The following PLCB4 variants were observed in gnomAD, a reference collection of about 807,000 sequenced individuals.
PLCB4 encodes 1-phosphatidylinositol 4,5-bisphosphate phosphodiesterase beta-4.
Under a neutral mutation model 178.8 loss-of-function variants are expected in PLCB4, and 77 were observed. That is an observed-to-expected ratio of 0.43 (90% CI 0.36 to 0.52). The LOEUF is 0.52. Among genes scored for constraint, PLCB4 ranks in the 20% least tolerant of loss-of-function variants. The probability of loss-of-function intolerance (pLI) is 0.00; values close to 1 mark genes in which losing one functional copy is unlikely to be tolerated. For synonymous variants in PLCB4, 496 were observed against 490.8 expected (o/e 1.01, Z -0.14); for missense variants, 1,024 against 1,453.4 (o/e 0.70, Z 4.80).
chr20:9,098,386 T>C (rs776629605), intron 2 of PLCB4, among the ~76,000 whole-genome samples: 3 of 152,068 alleles, frequency 2.0e-5, no homozygotes, highest in Non-Finnish European at 2.9e-5. Context: ...ATAGAAAAAA[T>C]TCGACTTTCA....
At chr20:9,242,340 G>A (rs1228364407) in intron 3 of PLCB4, among the ~76,000 whole-genome samples, 8 of 152,212 alleles carry the variant, frequency 5.3e-5, no homozygotes, top group Non-Finnish European at 1.2e-4. Context: ...GAAGAGATCA[G>A]CTTTAAAGAA....
intron 2 of PLCB4, among the ~76,000 whole-genome samples, chr20:9,191,997 C>G (rs1444067639): frequency 1.3e-5 from 2 of 152,022 alleles, no homozygotes; most frequent in African/African-American, 2.4e-5. Flanking sequence ...TGTGCTACCA[C>G]CAGACCACTG....
intron 2 of PLCB4, among the ~76,000 whole-genome samples, chr20:9,115,429 T>A (rs928712423): frequency 7.1e-6 from 1 of 140,740 alleles, no homozygotes; most frequent in Non-Finnish European, 1.5e-5. Context: ...TAAAACTTCT[T>A]CTTCTTTTTT....
At chr20:9,425,119 C>G (rs7261710) in intron 28 of PLCB4, among the ~76,000 whole-genome samples, 1 of 151,250 alleles carries the variant, frequency 6.6e-6, no homozygotes, top group Non-Finnish European at 1.5e-5. Context: ...CCATAAAAAG[C>G]CTGGAAAGGG....
At chr20:9,314,932 C>T (rs188040233) in intron 4 of PLCB4, among the ~76,000 whole-genome samples, 9 of 151,244 alleles carry the variant, frequency 6.0e-5, no homozygotes, top group Admixed American at 5.3e-4. Flanking sequence ...AGTGCAATGG[C>T]ACAATCTCGG....
chr20:9,089,642 A>G (rs2146561527), intron 1 of PLCB4, among the ~76,000 whole-genome samples: 1 of 152,286 alleles, frequency 6.6e-6, no homozygotes, highest in East Asian at 1.9e-4. Context: ...AGTGGTTCTA[A>G]GATTGTGTCC....
At chr20:9,099,852 G>A (rs745748428) in intron 2 of PLCB4, among the ~76,000 whole-genome samples, 1 of 152,244 alleles carries the variant, frequency 6.6e-6, no homozygotes, top group East Asian at 1.9e-4. Context: ...CCTGACAAGC[G>A]GCAGGGGTCC....
At chr20:9,112,959 G>GGA (rs2091636532) in intron 2 of PLCB4, among the ~76,000 whole-genome samples, 1 of 152,062 alleles carries the variant, frequency 6.6e-6, no homozygotes, top group Non-Finnish European at 1.5e-5. Flanking sequence ...AGGCCTTGCT[G>GGA]AAGGAACTGA....
rs145386999 is a variant in PLCB4 at position 9,208,221 on chromosome 20, C to A, written c.-78-9169C>A. ...GGGTGAATTCATGCTCCTTTGCTTACCTGTCATATGACTCTGGATAAGTGA... is the reference window on the plus strand; with the variant it reads ...GGGTGAATTCATGCTCCTTTGCTTAACTGTCATATGACTCTGGATAAGTGA... On this transcript the variant is annotated intron_variant, in intron 2 of 39. Coordinates refer to ENST00000378473, the MANE Select transcript of PLCB4 (RefSeq NM_001377142.1). Among the ~76,000 whole-genome samples the A allele has an allele frequency of 2.3e-3, 355 of 152,344 alleles. 1 individual carries two copies. The highest frequency in any genetic ancestry group is 3.7e-3 in the Non-Finnish European group (254 of 68,026).
chr20:9,071,915 AC>A (rs1159565625), intron 1 of PLCB4, among the ~76,000 whole-genome samples: 1 of 152,216 alleles, frequency 6.6e-6, no homozygotes, highest in African/African-American at 2.4e-5. Context: ...CTTTTAATAA[AC>A]TGTCTATCTA....
chr20:9,461,589 C>A (rs1440391792), intron 35 of PLCB4, among the ~76,000 whole-genome samples: 7 of 152,254 alleles, frequency 4.6e-5, no homozygotes, highest in Admixed American at 2.6e-4. Context: ...TAGCAACCGG[C>A]AGACAAGGCG....
intron 3 of PLCB4, among the ~76,000 whole-genome samples, chr20:9,301,232 T>G (rs1345682012): frequency 6.6e-6 from 1 of 151,934 alleles, no homozygotes; most frequent in Non-Finnish European, 1.5e-5. Context: ...TAAGGTAACA[T>G]TCGCGAGTTG....
Position 9,453,467 on chromosome 20 carries a change from T to G in PLCB4, c.2996+5T>G. 1.1e-4 allele frequency: 154 copies of G among 1,357,712 alleles called. No individual in the cohort carries two copies. Among genetic ancestry groups the G allele is most frequent in the Non-Finnish European group, 1.5e-4 (142 of 950,058 alleles). The allele number at this position is 1,357,712 out of a possible 1,614,324, so 84.1% of individuals were successfully genotyped here. ...GAAGGCAATGAAGAAGAAGGGGTAATACTGTTTATTTCCTTCTGAAGACTT... is the reference window on the plus strand; with the variant it reads ...GAAGGCAATGAAGAAGAAGGGGTAAGACTGTTTATTTCCTTCTGAAGACTT... On this transcript the variant is annotated splice_donor_5th_base_variant and intron_variant, in intron 33 of 39. Transcript: ENST00000378473.
At chr20:9,154,976 G>C (rs1025783075) in intron 2 of PLCB4, among the ~76,000 whole-genome samples, 1 of 108,908 alleles carries the variant, frequency 9.2e-6, no homozygotes, top group African/African-American at 3.4e-5. Flanking sequence ...TCTGCTTTTG[G>C]GGTACAAGTG....
intron 18 of PLCB4, 68 bp from the exon 19 acceptor site, chr20:9,395,455 T>C (rs1448171186): frequency 4.9e-6 from 5 of 1,023,194 alleles, no homozygotes; most frequent in Non-Finnish European, 7.7e-6. Flanking sequence ...TCAGTGTCGA[T>C]CTCAAGGCCT....
chr20:9,188,524 TA>T (rs2093358588), intron 2 of PLCB4, among the ~76,000 whole-genome samples: 1 of 99,852 alleles, frequency 1.0e-5, no homozygotes, highest in African/African-American at 4.9e-5. Context: ...GGCTGTCATA[TA>T]GTGACATTCT....
intron 2 of PLCB4, among the ~76,000 whole-genome samples, chr20:9,124,366 C>T (rs543959975): frequency 1.2e-3 from 190 of 152,142 alleles, no homozygotes; most frequent in African/African-American, 4.5e-3. Flanking sequence ...GTAGCACATG[C>T]CTGTAGTCCC....
chr20:9,107,611 C>T (rs1217140877), intron 2 of PLCB4, among the ~76,000 whole-genome samples: 2 of 151,968 alleles, frequency 1.3e-5, no homozygotes, highest in South Asian at 2.1e-4. Context: ...AAGGAAGCCC[C>T]GGATTGAACA....
chr20:9,106,539 G>A (rs978600150), intron 2 of PLCB4, among the ~76,000 whole-genome samples: 6 of 144,138 alleles, frequency 4.2e-5, no homozygotes, highest in East Asian at 2.0e-4. Flanking sequence ...TGACACACAT[G>A]CACACACACA....
Sources: allele counts gnomAD v4.1 joint callset (sites outside exome capture counted in the v4.1 genomes callset), GRCh38; gene constraint gnomAD v4.1.1; transcripts MANE v1.5; gene names NCBI Gene and HGNC (gene_info 2026-07-23, HGNC 2026-07-21).